Variants in BICDL1 observed in about 807,000 individuals in gnomAD.
BICDL1 encodes BICD family-like cargo adapter 1.
Under a neutral mutation model 76.8 loss-of-function variants are expected in BICDL1, and 20 were observed. The observed-to-expected ratio is 0.26, with a 90% CI of 0.18 to 0.38. The LOEUF is 0.38. Among genes scored for constraint, BICDL1 ranks in the 10% least tolerant of loss-of-function variants. BICDL1 has a pLI of 1.00. For synonymous variants in BICDL1, 383 were observed against 337.1 expected (o/e 1.14, Z -1.49); for missense variants, 700 against 798.6 (o/e 0.88, Z 1.49).
chr12:120,070,131 G>T (rs1244282353), intron 4 of BICDL1, among the ~76,000 whole-genome samples: 1 of 152,054 alleles, frequency 6.6e-6, no homozygotes, highest in Non-Finnish European at 1.5e-5. Context: ...TTTTTGTTGG[G>T]TCTACAGCTA....
intron 2 of BICDL1, among the ~76,000 whole-genome samples, chr12:120,005,116 A>T (rs1951827567): frequency 6.6e-6 from 1 of 152,104 alleles, no homozygotes; most frequent in Non-Finnish European, 1.5e-5. Flanking sequence ...GAGCCACCGT[A>T]CCTGGCCTAT....
In BICDL1 at chr12:120,079,832, C is replaced by T. The variant is rs937643931; in HGVS notation, c.1453-1055C>T. On this transcript the variant is annotated intron_variant, in intron 7 of 9. Coordinates refer to ENST00000548673, the MANE Select transcript of BICDL1 (RefSeq NM_001367886.1). The surrounding 1 kb of genome is among the most constrained non-coding windows in gnomAD (Gnocchi z 4.3). ...CCGCCCTTGTCACTAATTCCTCCCT[C>T]GCCTGGGGCTTTGCTGTGCTCAGAG... is the stretch of plus-strand genomic sequence containing the variant. 6.6e-6 allele frequency among the ~76,000 whole-genome samples: 1 copy of T among 152,248 alleles called. No individual in the cohort carries two copies. The highest frequency in any genetic ancestry group is 1.9e-4 in the East Asian group (1 of 5,202).
In BICDL1 at chr12:120,045,917, T is replaced by TATTATAATAATAATA. The variant is rs1555288136; in HGVS notation, c.646-15791_646-15790insTATAATAATAATAAT. On this transcript the variant is annotated intron_variant, in intron 2 of 9. Transcript: ENST00000548673. ...ACATGTACCCTAAAACTTAAAGTAT[T>TATTATAATAATAATA]ATAATAATAATAATAATAAAAAGAA... 2.1e-3 allele frequency among the ~76,000 whole-genome samples: 288 copies of TATTATAATAATAATA among 137,696 alleles called. 3 individuals are homozygous for TATTATAATAATAATA. The highest frequency in any genetic ancestry group is 3.3e-3 in the Non-Finnish European group (204 of 61,896). 90.3% of individuals were successfully genotyped at this position (137,696 alleles called of 152,430 possible). A position where few individuals can be genotyped will look rare whatever the true frequency, so the allele number is the denominator to read the frequency against.
intron 2 of BICDL1, among the ~76,000 whole-genome samples, chr12:120,061,000 T>A (rs1466052676): frequency 6.6e-6 from 1 of 152,166 alleles, no homozygotes; most frequent in Non-Finnish European, 1.5e-5. Flanking sequence ...TGGGCAGGGC[T>A]CCCTCAGTAG....
rs1199306441 is a variant in BICDL1 at position 120,047,981 on chromosome 12, AAAAAT to A, written c.646-13719_646-13715del. 2.6e-5 allele frequency among the ~76,000 whole-genome samples: 4 copies of A among 152,154 alleles called. No individual in the cohort carries two copies. The East Asian group carries it at 5.8e-4, about 22-fold the overall frequency. ...ATATTTCCAAAATGGAAGGTCTTTTAAAAATAAAATAAAAAAAACAAGCAAATGAC... is the reference window on the plus strand; with the variant it reads ...ATATTTCCAAAATGGAAGGTCTTTTAAAAATAAAAAAAACAAGCAAATGAC... On this transcript the variant is annotated intron_variant, in intron 2 of 9. Transcript: ENST00000548673.
Position 120,064,834 on chromosome 12 carries a change from C to T in BICDL1, c.864C>T (p.Asp288=). 1 of 1,613,448 alleles carries T rather than the reference C, an allele frequency of 6.2e-7. No individual in the cohort carries two copies. Among genetic ancestry groups the T allele is most frequent in the Non-Finnish European group, 8.5e-7 (1 of 1,179,712 alleles). The change falls in exon 4 of 10, where the codon GAC becomes GAT. Residue 288 remains aspartate, a synonymous_variant. Coordinates refer to ENST00000548673, the MANE Select transcript of BICDL1 (RefSeq NM_001367886.1). ...LLQGTVEELQ[D]RVLILERQGH... ...AAGGGACCGTGGAGGAGCTACAGGA[C>T]CGGGTGCTAATCCTGGAGAGGCAGG...
intron 8 of BICDL1, among the ~76,000 whole-genome samples, chr12:120,084,865 G>A (rs1182490655): frequency 1.3e-5 from 2 of 151,342 alleles, no homozygotes; most frequent in African/African-American, 4.9e-5. Context: ...ACTCCAGCCT[G>A]GGCAACAGAA....
At position 119,989,970 on chromosome 12, in the gene BICDL1, C is replaced by T; in HGVS notation, c.102C>T (p.Val34=). Reference sequence around the variant, plus strand: ...TGCCCGCCGCGGCCGGGGACGCAGTCCGGAGTCCCGCCGCCGCCGCCGCCC... The same window carrying T: ...TGCCCGCCGCGGCCGGGGACGCAGTTCGGAGTCCCGCCGCCGCCGCCGCCC... ...MELPAAAGDA[V]RSPAAAAALI... Residue 34 remains valine (V), a synonymous_variant, in exon 1 of 10, where the codon GTC becomes GTT. Transcript: ENST00000548673. 1 of 1,468,778 alleles carries T rather than the reference C, an allele frequency of 6.8e-7. No homozygotes were observed. Among genetic ancestry groups the T allele is most frequent in the South Asian group, 1.4e-5 (1 of 73,014 alleles). 91.0% of individuals were successfully genotyped at this position (1,468,778 alleles called of 1,614,324 possible).
intron 2 of BICDL1, among the ~76,000 whole-genome samples, chr12:120,033,452 C>A (rs1411192818): frequency 7.0e-6 from 1 of 142,826 alleles, no homozygotes; most frequent in African/African-American, 2.7e-5. Flanking sequence ...TCTCGGCTCA[C>A]TGCAAACTCC....
intron 2 of BICDL1, among the ~76,000 whole-genome samples, chr12:120,022,056 G>A (rs184285703): frequency 2.6e-5 from 4 of 150,960 alleles, no homozygotes; most frequent in African/African-American, 9.7e-5. Context: ...CCAAAGAAGA[G>A]TATATAACAG....
chr12:120,020,022 A>G (rs573048865), intron 2 of BICDL1, among the ~76,000 whole-genome samples: 2 of 152,312 alleles, frequency 1.3e-5, no homozygotes, highest in Admixed American at 1.3e-4. Context: ...CTGTTCATAT[A>G]TCTTTTTTTT....
At chr12:120,005,030 C>G (rs1951825605) in intron 2 of BICDL1, among the ~76,000 whole-genome samples, 1 of 152,134 alleles carries the variant, frequency 6.6e-6, no homozygotes, top group African/African-American at 2.4e-5. Context: ...ACCATGTTGG[C>G]CAGTCTAGTC....
intron 2 of BICDL1, among the ~76,000 whole-genome samples, chr12:120,051,126 C>T (rs1016761296): frequency 6.6e-5 from 10 of 151,780 alleles, no homozygotes; most frequent in African/African-American, 2.4e-4. Context: ...CGGCTCACTG[C>T]AACCTCCACC....
chr12:120,091,333 A>C (rs1015708504), intron 9 of BICDL1: 11 of 1,009,368 alleles, frequency 1.1e-5, no homozygotes, highest in African/African-American at 1.7e-5. Context: ...ACCTGGACAG[A>C]CCTGATTGCT....
At chr12:119,997,667 G>T (rs1370488337) in intron 1 of BICDL1, among the ~76,000 whole-genome samples, 1 of 152,186 alleles carries the variant, frequency 6.6e-6, no homozygotes, top group Non-Finnish European at 1.5e-5. Context: ...CCTTGAGATT[G>T]TCACTTAACC....
chr12:120,087,339 G>T (rs1266744095), intron 8 of BICDL1, among the ~76,000 whole-genome samples: 1 of 152,232 alleles, frequency 6.6e-6, no homozygotes, highest in Non-Finnish European at 1.5e-5. Flanking sequence ...AAGGCAGGCG[G>T]GCCGGCGGGC....
At chr12:120,004,934 G>C (rs140774639) in intron 2 of BICDL1, among the ~76,000 whole-genome samples, 3,162 of 152,120 alleles carry the variant, frequency 0.021, 119 homozygotes, top group African/African-American at 0.073. Flanking sequence ...GGATTCTCCT[G>C]TCTCAGCCTC....
intron 2 of BICDL1, among the ~76,000 whole-genome samples, chr12:120,042,737 G>A (rs1305028390): frequency 6.6e-6 from 1 of 151,090 alleles, no homozygotes; most frequent in Non-Finnish European, 1.5e-5. Flanking sequence ...CCCGGGAGGC[G>A]AAGGTTGCAG....
At chr12:119,998,199 G>A (rs552130208) in intron 1 of BICDL1, among the ~76,000 whole-genome samples, 4 of 152,288 alleles carry the variant, frequency 2.6e-5, no homozygotes, top group East Asian at 1.9e-4. Flanking sequence ...TTGTTTAAAT[G>A]TATAGTTCAC....
Sources: gnomAD v4.1 joint callset for allele counts (sites outside exome capture counted in the v4.1 genomes callset) on GRCh38, gnomAD v4.1.1 for gene constraint, Gnocchi (gnomAD v3.1) non-coding constraint, MANE v1.5 for transcripts, NCBI Gene and HGNC (gene_info 2026-07-23, HGNC 2026-07-21) for gene names.